Variants in EXOC6 observed in about 807,000 individuals in gnomAD.
EXOC6 encodes exocyst complex component 6.
EXOC6 carries 60 observed loss-of-function variants against 112.5 expected under a neutral mutation model. The ratio of observed to expected loss-of-function variants is 0.53; its 90% CI spans 0.43 to 0.66. EXOC6 has a LOEUF of 0.66. Ranked by LOEUF, EXOC6 falls within the 30% of genes least tolerant of loss-of-function variation. The pLI, the probability that EXOC6 is intolerant of heterozygous loss-of-function variation, is 0.00. For missense variants in EXOC6, 855 were observed against 957.1 expected (o/e 0.89, Z 1.41); for synonymous variants, 295 against 308.0 (o/e 0.96, Z 0.44).
chr10:92,909,053 G>A (rs1850599027), intron 5 of EXOC6, among the ~76,000 whole-genome samples: 1 of 151,954 alleles, frequency 6.6e-6, no homozygotes, highest in Non-Finnish European at 1.5e-5. Context: ...TGTGTGGATG[G>A]ATATTATGAT....
intron 1 of EXOC6, among the ~76,000 whole-genome samples, chr10:92,828,688 GTC>G (rs1384630835): frequency 9.2e-4 from 30 of 32,458 alleles, no homozygotes; most frequent in African/African-American, 2.1e-3. Flanking sequence ...AGTTTTGTGT[GTC>G]TGTGTGTGTG....
chr10:92,903,508 G>A (rs1287222074), intron 5 of EXOC6, among the ~76,000 whole-genome samples: 1 of 151,874 alleles, frequency 6.6e-6, no homozygotes, highest in Non-Finnish European at 1.5e-5. Context: ...AATTTCAGTG[G>A]CAAGAAAACC....
chr10:92,830,981 G>A (rs1846465180), upstream of EXOC6, among the ~76,000 whole-genome samples: 1 of 152,178 alleles, frequency 6.6e-6, no homozygotes, highest in South Asian at 2.1e-4. Context: ...TGAGACAGGG[G>A]AGATTGTTTT....
chr10:92,997,240 A>G (rs1843534724), intron 18 of EXOC6, among the ~76,000 whole-genome samples: 2 of 152,166 alleles, frequency 1.3e-5, no homozygotes, highest in Admixed American at 1.3e-4. Context: ...GTGCAGTTAG[A>G]GCTTTAATGA....
intron 14 of EXOC6, among the ~76,000 whole-genome samples, chr10:92,948,867 T>C (rs1355194403): frequency 1.3e-5 from 2 of 152,198 alleles, no homozygotes; most frequent in South Asian, 4.1e-4. Context: ...ATAAGTGATA[T>C]GTGAAGGCAA....
At chr10:93,032,613 T>G (rs1845322402) in intron 20 of EXOC6, among the ~76,000 whole-genome samples, 1 of 152,242 alleles carries the variant, frequency 6.6e-6, no homozygotes, top group African/African-American at 2.4e-5. Flanking sequence ...TTTCTTCATT[T>G]ACTCGACAAA....
At chr10:92,960,995 C>A (rs1589919068) in intron 17 of EXOC6, among the ~76,000 whole-genome samples, 1 of 151,832 alleles carries the variant, frequency 6.6e-6, no homozygotes, top group East Asian at 1.9e-4. Flanking sequence ...GGATACGTGA[C>A]CTTTGACAGA....
chr10:93,042,951 TATTATTA>T (rs1350286249), intron 20 of EXOC6, among the ~76,000 whole-genome samples: 387 of 115,456 alleles, frequency 3.4e-3, no homozygotes, highest in African/African-American at 0.01. Context: ...TTATTATTAT[TATTATTA>T]TTTTTTGAGA....
At chr10:92,957,926 A>AT (rs987594600) in intron 17 of EXOC6, among the ~76,000 whole-genome samples, 5 of 151,812 alleles carry the variant, frequency 3.3e-5, no homozygotes, top group Admixed American at 6.6e-5. Context: ...TCTTAGCCTG[A>AT]TTTTTTTTCA....
At chr10:92,896,907 T>C (rs534006955) in intron 4 of EXOC6, among the ~76,000 whole-genome samples, 1 of 152,268 alleles carries the variant, frequency 6.6e-6, no homozygotes, top group African/African-American at 2.4e-5. Flanking sequence ...ATCAATGAAA[T>C]TCTACTCAGC....
chr10:93,002,815 A>G (rs1047876214), intron 19 of EXOC6, among the ~76,000 whole-genome samples: 3 of 152,196 alleles, frequency 2.0e-5, no homozygotes, highest in Non-Finnish European at 4.4e-5. Flanking sequence ...AAATAAGAAA[A>G]TGACATTACT....
chr10:92,987,356 A>C (rs1175506246), intron 18 of EXOC6, among the ~76,000 whole-genome samples: 1 of 152,220 alleles, frequency 6.6e-6, no homozygotes, highest in Non-Finnish European at 1.5e-5. Flanking sequence ...TGACTAGACA[A>C]CTTGATGAGA....
chr10:92,841,568 C>CA (rs1361950764), intron 1 of EXOC6, among the ~76,000 whole-genome samples: 2 of 152,116 alleles, frequency 1.3e-5, no homozygotes, highest in East Asian at 3.8e-4. Flanking sequence ...GTTGCACCTC[C>CA]AAAAAGCCTG....
intron 1 of EXOC6, among the ~76,000 whole-genome samples, chr10:92,842,837 G>A (rs1846906599): frequency 1.3e-5 from 2 of 152,096 alleles, no homozygotes; most frequent in African/African-American, 4.8e-5. Context: ...ATTTTTCTGA[G>A]GGCAGGGTTG....
chr10:92,990,708 C>T (rs1233994448), intron 18 of EXOC6, among the ~76,000 whole-genome samples: 1 of 151,926 alleles, frequency 6.6e-6, no homozygotes, highest in Non-Finnish European at 1.5e-5. Flanking sequence ...GGTTTATTGC[C>T]CCTGTCAACC....
At chr10:92,983,698 G>T (rs1051073425) in intron 18 of EXOC6, among the ~76,000 whole-genome samples, 1 of 151,652 alleles carries the variant, frequency 6.6e-6, no homozygotes, top group Non-Finnish European at 1.5e-5. Flanking sequence ...GTAGAGATGG[G>T]GTTTCACTGT....
At chr10:93,034,345 C>T (rs939808166) in intron 20 of EXOC6, among the ~76,000 whole-genome samples, 3 of 152,160 alleles carry the variant, frequency 2.0e-5, no homozygotes, top group Non-Finnish European at 4.4e-5. Context: ...GGGAAGTACC[C>T]TGGGCACCCA....
chr10:92,920,590 T>C (rs1851375369), intron 8 of EXOC6, among the ~76,000 whole-genome samples: 2 of 152,312 alleles, frequency 1.3e-5, no homozygotes, highest in South Asian at 2.1e-4. Context: ...GTGTGTTCTA[T>C]AGATATTTGT....
At chr10:93,019,952 G>C (rs972832349) in intron 20 of EXOC6, among the ~76,000 whole-genome samples, 1 of 152,114 alleles carries the variant, frequency 6.6e-6, no homozygotes, top group Admixed American at 6.6e-5. Context: ...TCCATATGGT[G>C]AATCACTATT....
Sources: gnomAD v4.1 joint callset for allele counts (sites outside exome capture counted in the v4.1 genomes callset) on GRCh38, gnomAD v4.1.1 for gene constraint, MANE v1.5 for transcripts, NCBI Gene and HGNC (gene_info 2026-07-23, HGNC 2026-07-21) for gene names.